Variants in BDP1 observed in about 807,000 individuals in gnomAD.
BDP1 encodes transcription factor TFIIIB component B'' homolog.
In BDP1, 169 loss-of-function variants were observed where a neutral mutation model predicts 266.6. The ratio of observed to expected loss-of-function variants is 0.63; its 90% confidence interval spans 0.56 to 0.72. The LOEUF (loss-of-function observed/expected upper bound fraction) is 0.72, where lower values mean the gene tolerates loss of function less well. Ranked by LOEUF, BDP1 falls within the 30% of genes least tolerant of loss-of-function variation. The pLI, the probability that BDP1 is intolerant of heterozygous loss-of-function variation, is 0.00. For missense variants in BDP1, 3,015 were observed against 3,053.8 expected, an observed-to-expected ratio of 0.99 and a Z score of 0.30; for synonymous variants, 1,090 against 1,022.4, an observed-to-expected ratio of 1.07 and a Z score of -1.26.
intron 16 of BDP1, 77 bp downstream of exon 16, chr5:71,504,828 A>G: frequency 7.0e-7 from 1 of 1,418,546 alleles, no homozygotes; most frequent in Non-Finnish European, 9.8e-7. Context: ...TTTAAAGCAG[A>G]AGCAATTTAG....
At chr5:71,486,989 ATCT>A (rs1207574816) in intron 9 of BDP1, among the ~76,000 whole-genome samples, 1 of 152,140 alleles carries the variant, frequency 6.6e-6, no homozygotes, top group East Asian at 1.9e-4. Flanking sequence ...AGGAACTCTA[ATCT>A]TCTGGGGTTG....
chr5:71,560,116 A>C lies in BDP1; in HGVS notation c.7375A>C (p.Asn2459His). Residue 2459 changes from asparagine to histidine, a missense_variant, in exon 37 of 39, where the codon AAT becomes CAT. Physicochemically the swap from Asn to His is moderately conservative, Grantham distance 68 (BLOSUM62 1). Around this residue, in one of 3 missense-constraint regions of BDP1, gnomAD observed 629 missense variants for 632.5 expected, o/e 0.99. Coordinates refer to ENST00000358731, the MANE Select transcript of BDP1 (RefSeq NM_018429.3). ...ATCTCCTGATGCATGCATGGACAAG[A>C]ATGTGCCTCAGTTACCTCAGGATGA... is the stretch of plus-strand genomic sequence containing the variant. ...SRSPDACMDK[N>H]VPQLPQDEMI... 1 of 1,614,128 alleles carries C rather than the reference A, an allele frequency of 6.2e-7. No homozygotes were observed. The highest frequency in any genetic ancestry group is 8.5e-7 in the Non-Finnish European group (1 of 1,180,008).
At chr5:71,485,588 C>T (rs573697672) in intron 8 of BDP1, among the ~76,000 whole-genome samples, 1 of 152,212 alleles carries the variant, frequency 6.6e-6, no homozygotes, top group South Asian at 2.1e-4. Context: ...TCAAACCAGT[C>T]TTTGGCTTAT....
intron 22 of BDP1, among the ~76,000 whole-genome samples, chr5:71,520,999 ACCAAC>A (rs1765462875): frequency 6.6e-6 from 1 of 151,700 alleles, no homozygotes; most frequent in South Asian, 2.1e-4. Context: ...GACCAGCCTG[ACCAAC>A]ATAGAGAAAC....
At chr5:71,524,431 A>T (rs1013189371) in intron 25 of BDP1, 108 bp downstream of exon 25, 2 of 1,201,244 alleles carry the variant, frequency 1.7e-6, no homozygotes, top group African/African-American at 3.0e-5. Context: ...GGATTTGAAG[A>T]GTTCATTCTC....
downstream of BDP1, among the ~76,000 whole-genome samples, chr5:71,572,810 T>C (rs546957726): frequency 1.2e-4 from 18 of 152,310 alleles, no homozygotes; most frequent in African/African-American, 4.3e-4. Context: ...GATTCTTCTG[T>C]TTTTTCCACT....
chr5:71,544,648 G>A, intron 31 of BDP1, 141 bp downstream of exon 31: 3 of 813,362 alleles, frequency 3.7e-6, no homozygotes, highest in Non-Finnish European at 5.7e-6. Flanking sequence ...GGGAGGCCAA[G>A]ACGGGAGGAT....
rs1458968715 is a variant in BDP1 at position 71,516,070 on chromosome 5, T to C, written c.4659T>C (p.Asn1553=). The C allele has an allele frequency of 6.2e-7, 1 of 1,603,820 alleles. No individual in the cohort carries two copies. The highest frequency in any genetic ancestry group is 1.3e-5 in the African/African-American group (1 of 74,470). Residue 1553 remains asparagine (N), a synonymous_variant, in exon 21 of 39, where the codon AAT becomes AAC. Transcript: ENST00000358731. The part of the protein sequence containing the change: ...NDSVVSVGTN[N]VNTFQQEMKE... ...CTGTCCCCTTGTTTAGGACTAATAA[T>C]GTAAACACTTTCCAGCAAGAAATGA...
At chr5:71,512,873 G>A (rs746313168) in intron 18 of BDP1, among the ~76,000 whole-genome samples, 1 of 151,722 alleles carries the variant, frequency 6.6e-6, no homozygotes, top group Non-Finnish European at 1.5e-5. Flanking sequence ...TGGGCAACAC[G>A]CTGTAGAAAC....
rs1239254343 is a variant in BDP1 at position 71,566,868 on chromosome 5, T to C, written c.*1983T>C. 2 of 152,250 alleles carry C rather than the reference T, an allele frequency of 1.3e-5. No homozygotes were observed. The highest frequency in any genetic ancestry group is 2.9e-5 in the Non-Finnish European group (2 of 68,052). 9.4% of individuals were successfully genotyped at this position (152,250 alleles called of 1,614,324 possible). A position where few individuals can be genotyped will look rare whatever the true frequency, so the allele number is the denominator to read the frequency against. On this transcript the variant is annotated 3_prime_UTR_variant, in exon 39 of 39. Coordinates refer to ENST00000358731, the MANE Select transcript of BDP1 (RefSeq NM_018429.3). The stretch of plus-strand genomic sequence containing the variant: ...TATTTTAGAGTCTAGATAATTATGT[T>C]TGTATATTGAAAAAATGGTGGCCAG...
rs755467232 is a variant in BDP1 at position 71,486,543 on chromosome 5, G to A, written c.1129G>A (p.Glu377Lys). 3.9e-6 allele frequency: 6 copies of A among 1,542,458 alleles called. No homozygotes were observed. Among genetic ancestry groups the A allele is most frequent in the Non-Finnish European group, 5.2e-6 (6 of 1,157,006 alleles). ...FAHLLQKVLA[E>K]EEKRKQKSVK... ...TCATTTGCTTCAGAAAGTTCTTGCT[G>A]AAGAAGAGAAAAGAAAACAAAAATC... is the stretch of plus-strand genomic sequence containing the variant. Residue 377 changes from glutamate (E) to lysine (K), a missense_variant, in exon 9 of 39, where the codon GAA becomes AAA. Glu to Lys is a moderately conservative substitution (Grantham distance 56). Coordinates refer to ENST00000358731, the MANE Select transcript of BDP1 (RefSeq NM_018429.3).
chr5:71,472,717 G>C (rs1024245114), intron 7 of BDP1, among the ~76,000 whole-genome samples: 2 of 152,072 alleles, frequency 1.3e-5, no homozygotes, highest in Non-Finnish European at 2.9e-5. Flanking sequence ...GAGCTGAAAA[G>C]TGTTCCCTCT....
intron 9 of BDP1, among the ~76,000 whole-genome samples, chr5:71,488,578 A>T (rs1411832864): frequency 6.7e-6 from 1 of 149,108 alleles, no homozygotes; most frequent in African/African-American, 2.5e-5. Flanking sequence ...ACAGGCAAGT[A>T]CCACCACACC....
chr5:71,560,359 T>A, intron 37 of BDP1, 122 bp downstream of exon 37: 2 of 1,102,498 alleles, frequency 1.8e-6, no homozygotes, highest in African/African-American at 1.6e-5. Context: ...CCATCAGTAA[T>A]GTAAAGGAAA....
At chr5:71,456,616 C>G (rs1233197482) in intron 1 of BDP1, among the ~76,000 whole-genome samples, 1 of 152,128 alleles carries the variant, frequency 6.6e-6, no homozygotes, top group Non-Finnish European at 1.5e-5. Flanking sequence ...CGTCATGTAT[C>G]ATATTTGGAT....
chr5:71,571,359 G>T (rs576633000), downstream of BDP1, among the ~76,000 whole-genome samples: 2 of 152,232 alleles, frequency 1.3e-5, no homozygotes, highest in East Asian at 1.9e-4. Context: ...TGCCCAGCTG[G>T]TTTTGAATTC....
Position 71,522,893 on chromosome 5 carries a change from A to G in BDP1, c.5331A>G (p.Val1777=). Reference sequence around the variant, plus strand: ...CAAGAAGGGTTGGAGAGGAAACTGTAGGAGATAATTCACCATCTTCAGTTG... The same window carrying G: ...CAAGAAGGGTTGGAGAGGAAACTGTGGGAGATAATTCACCATCTTCAGTTG... The part of the protein sequence containing the change: ...GPSRRVGEET[V]GDNSPSSVVE... Residue 1777 remains valine (V), a synonymous_variant, in exon 24 of 39, where the codon GTA becomes GTG. Transcript: ENST00000358731. 1 of 1,610,932 alleles carries G rather than the reference A, an allele frequency of 6.2e-7. No individual in the cohort carries two copies. The highest frequency in any genetic ancestry group is 8.5e-7 in the Non-Finnish European group (1 of 1,178,972).
chr5:71,550,257 G>A (rs527814642), intron 34 of BDP1, among the ~76,000 whole-genome samples: 31 of 152,254 alleles, frequency 2.0e-4, no homozygotes, highest in Admixed American at 1.9e-3. Context: ...ATGGTGGCCT[G>A]CGCCTGTAAT....
At position 71,565,071 on chromosome 5, in the gene BDP1, T is replaced by G; in HGVS notation, c.*186T>G. ...AAAACATTTCTGAGGTTCCTTTCAT[T>G]CTGACTGATTCAGCATTTTGCAAAT... On this transcript the variant is annotated 3_prime_UTR_variant, in exon 39 of 39. Coordinates refer to ENST00000358731, the MANE Select transcript of BDP1 (RefSeq NM_018429.3). The G allele has an allele frequency of 1.8e-6, 1 of 564,176 alleles. No homozygotes were observed. Among genetic ancestry groups the G allele is most frequent in the South Asian group, 2.9e-5 (1 of 34,550 alleles). 34.9% of individuals were successfully genotyped at this position (564,176 alleles called of 1,614,324 possible).
Sources: gnomAD v4.1 joint callset for allele counts (sites outside exome capture counted in the v4.1 genomes callset) on GRCh38, gnomAD v4.1.1 for gene constraint, gnomAD v4.1.1 regional missense constraint, MANE v1.5 for transcripts, NCBI Gene and HGNC (gene_info 2026-07-23, HGNC 2026-07-21) for gene names.